Variants in RCC1L observed in about 807,000 individuals in gnomAD.
RCC1L encodes RCC1-like G exchanging factor-like protein.
RCC1L carries 46 observed loss-of-function variants against 58.6 expected under a neutral mutation model. The ratio of observed to expected loss-of-function variants is 0.79; its 90% CI spans 0.62 to 1.00. The LOEUF is 1.00. Among genes scored for constraint, RCC1L ranks in the 50% least tolerant of loss-of-function variants. The pLI, the probability that RCC1L is intolerant of heterozygous loss-of-function variation, is 0.00. For synonymous variants in RCC1L, 281 were observed against 262.9 expected, an observed-to-expected ratio of 1.07 and a Z score of -0.67; for missense variants, 636 against 623.6, an observed-to-expected ratio of 1.02 and a Z score of -0.21.
intron 10 of RCC1L, among the ~76,000 whole-genome samples, chr7:75,034,352 C>T (rs1289121501): frequency 2.0e-5 from 3 of 151,994 alleles, no homozygotes; most frequent in Non-Finnish European, 4.4e-5. Flanking sequence ...CCCGTCTCTA[C>T]GAAAATACAA....
At chr7:75,034,853 T>C (rs1805402280) in intron 10 of RCC1L, among the ~76,000 whole-genome samples, 2 of 152,150 alleles carry the variant, frequency 1.3e-5, no homozygotes, top group South Asian at 2.1e-4. Context: ...GGGGTCTTGC[T>C]ATATTGCCCA....
chr7:75,056,503 A>G (rs1806085905), intron 8 of RCC1L: 2 of 1,493,712 alleles, frequency 1.3e-6, no homozygotes, highest in Non-Finnish European at 1.8e-6. Flanking sequence ...TAAAACTCTT[A>G]GAAATGATGT....
In RCC1L at chr7:75,042,474, A is replaced by T. The variant is rs945297791; in HGVS notation, c.*558T>A. 7 of 989,086 alleles carry T rather than the reference A, an allele frequency of 7.1e-6. No individual in the cohort carries two copies. The highest frequency in any genetic ancestry group is 1.7e-5 in the African/African-American group (1 of 57,266). 61.3% of individuals were successfully genotyped at this position (989,086 alleles called of 1,614,324 possible). A position where few individuals can be genotyped will look rare whatever the true frequency, so the allele number is the denominator to read the frequency against. ...TGCGGACAGCTCCAGATGGAATCCC[A>T]GGCCACGGTGCTTCTAGTGTCCCCC... On this transcript the variant is annotated 3_prime_UTR_variant, in exon 11 of 11. Transcript: ENST00000610322.
chr7:75,071,838 C>T (rs1409047039), intron 1 of RCC1L, among the ~76,000 whole-genome samples: 1 of 151,862 alleles, frequency 6.6e-6, no homozygotes, highest in Non-Finnish European at 1.5e-5. Flanking sequence ...TCTCACTAAG[C>T]TGTTGTGAAG....
intron 8 of RCC1L, among the ~76,000 whole-genome samples, chr7:75,057,313 C>T (rs1228297519): frequency 2.6e-5 from 4 of 152,152 alleles, no homozygotes; most frequent in South Asian, 2.1e-4. Flanking sequence ...GACAGGGTCT[C>T]GTTATGTTGT....
intron 9 of RCC1L, among the ~76,000 whole-genome samples, chr7:75,053,633 T>C (rs1805987592): frequency 6.6e-6 from 1 of 152,126 alleles, no homozygotes. Context: ...CAAGATGCTG[T>C]TTAAGAGGTC....
chr7:75,056,085 G>A lies in RCC1L; in HGVS notation c.1058-11C>T, dbSNP rs781975517. On this transcript the variant is annotated splice_polypyrimidine_tract_variant and intron_variant, in intron 8 of 10. Transcript: ENST00000610322. Reference sequence around the variant, plus strand: ...AAACATGTCCTTCTCCTACATTACAGTAAAAACAAGGGTCAGTAAGTCCAT... The same window carrying A: ...AAACATGTCCTTCTCCTACATTACAATAAAAACAAGGGTCAGTAAGTCCAT... The A allele has an allele frequency of 6.2e-7, 1 of 1,613,800 alleles. No homozygotes were observed. Among genetic ancestry groups the A allele is most frequent in the South Asian group, 1.1e-5 (1 of 91,068 alleles).
intron 10 of RCC1L, among the ~76,000 whole-genome samples, chr7:75,032,765 G>T (rs930366005): frequency 6.6e-6 from 1 of 152,068 alleles, no homozygotes; most frequent in Admixed American, 6.6e-5. Context: ...CCTGTCGCTC[G>T]GGCCTTCAGA....
intron 10 of RCC1L, among the ~76,000 whole-genome samples, chr7:75,043,311 C>T (rs1414096853): frequency 6.6e-6 from 1 of 152,216 alleles, no homozygotes; most frequent in African/African-American, 2.4e-5. Context: ...GGCACTTAGG[C>T]CTCCCCAGCA....
At chr7:75,071,630 ACT>A (rs1312207444) in intron 1 of RCC1L, among the ~76,000 whole-genome samples, 7 of 152,082 alleles carry the variant, frequency 4.6e-5, no homozygotes, top group Non-Finnish European at 7.4e-5. Context: ...ACAGAATAAG[ACT>A]CTGTCTCAAA....
chr7:75,057,290 A>AT (rs1189291129), intron 8 of RCC1L, among the ~76,000 whole-genome samples: 3 of 151,508 alleles, frequency 2.0e-5, no homozygotes, highest in African/African-American at 7.3e-5. Flanking sequence ...TAATTTCTCC[A>AT]TTTTTTGGTA....
At chr7:75,064,724 C>G in intron 3 of RCC1L, 76 bp from the exon 4 acceptor site, 1 of 1,527,900 alleles carries the variant, frequency 6.5e-7, no homozygotes, top group Admixed American at 1.7e-5. Context: ...GAAGGGGTCT[C>G]GCTGGTGGTC....
chr7:75,063,037 G>A (rs1199534314), intron 5 of RCC1L, among the ~76,000 whole-genome samples: 1 of 151,470 alleles, frequency 6.6e-6, no homozygotes, highest in East Asian at 1.9e-4. Context: ...GACTTCAGGT[G>A]ATCCACCTGT....
At chr7:75,067,789 G>A (rs1806552992) in intron 2 of RCC1L, among the ~76,000 whole-genome samples, 2 of 152,038 alleles carry the variant, frequency 1.3e-5, no homozygotes, top group African/African-American at 2.4e-5. Context: ...AGGCTGCAGT[G>A]AGCAGTGATC....
chr7:75,055,818 G>C, intron 9 of RCC1L, 83 bp downstream of exon 9: 1 of 1,538,242 alleles, frequency 6.5e-7, no homozygotes, highest in Non-Finnish European at 9.0e-7. Context: ...TGGAACCTGA[G>C]AGCTGCCCGC....
chr7:75,046,444 C>G (rs1805724199), intron 10 of RCC1L, among the ~76,000 whole-genome samples: 1 of 152,218 alleles, frequency 6.6e-6, no homozygotes, highest in East Asian at 1.9e-4. Context: ...TCCCCGAGGG[C>G]TCTGGCCATT....
rs1805600337 is a variant in RCC1L, at chr7:75,042,635, C to T, written c.*397G>A. ...TCCGAGGCACACGCATGGCCTTGGC[C>T]AGACACAAACCAAGAGACTGCCATG... On this transcript the variant is annotated 3_prime_UTR_variant, in exon 11 of 11. Coordinates refer to ENST00000610322, the MANE Select transcript of RCC1L (RefSeq NM_030798.5). 1.9e-6 allele frequency: 2 copies of T among 1,070,918 alleles called. No individual in the cohort carries two copies. The highest frequency in any genetic ancestry group is 2.3e-6 in the Non-Finnish European group (2 of 881,228). The allele number at this position is 1,070,918 out of a possible 1,614,324, so 66.3% of individuals were successfully genotyped here. A position where few individuals can be genotyped will look rare whatever the true frequency, so the allele number is the denominator to read the frequency against.
At chr7:75,064,494 C>A in intron 4 of RCC1L, 88 bp downstream of exon 4, 1 of 1,482,808 alleles carries the variant, frequency 6.7e-7, no homozygotes, top group Non-Finnish European at 9.4e-7. Flanking sequence ...TGCCTCTGAC[C>A]GCCCCGCGGG....
chr7:75,064,969 C>T (rs1019688201), intron 3 of RCC1L, among the ~76,000 whole-genome samples: 2 of 152,070 alleles, frequency 1.3e-5, no homozygotes, highest in South Asian at 2.1e-4. Context: ...CTAAATGCAG[C>T]GCCTCTGCCC....
Sources: gnomAD v4.1 joint callset for allele counts (sites outside exome capture counted in the v4.1 genomes callset) on GRCh38, gnomAD v4.1.1 for gene constraint, MANE v1.5 for transcripts, NCBI Gene and HGNC (gene_info 2026-07-23, HGNC 2026-07-21) for gene names.